Variants in EYS observed in about 807,000 individuals in gnomAD.
The protein encoded by EYS is protein eyes shut homolog.
In EYS, 250 loss-of-function variants were observed where a neutral mutation model predicts 282.1. That is an observed-to-expected ratio of 0.89 (90% CI 0.80 to 0.98). EYS has a LOEUF of 0.98. EYS is among the 50% of genes least tolerant of loss of function. The pLI is 0.00. For synonymous variants in EYS, 1,355 were observed against 1,282.9 expected (o/e 1.06, Z -1.20); for missense variants, 4,016 against 3,709.0 (o/e 1.08, Z -2.15).
chr6:64,866,620 G>A (rs993170059), intron 19 of EYS, among the ~76,000 whole-genome samples: 1 of 150,632 alleles, frequency 6.6e-6, no homozygotes, highest in Non-Finnish European at 1.5e-5. Flanking sequence ...TTATTTTTTA[G>A]TTATCATTCC....
chr6:65,186,301 A>G (rs1392162257), intron 12 of EYS, among the ~76,000 whole-genome samples: 1 of 151,754 alleles, frequency 6.6e-6, no homozygotes, highest in Non-Finnish European at 1.5e-5. Context: ...TATAGGAAAG[A>G]TCACGTTTCA....
Position 64,093,831 on chromosome 6 carries a change from C to T in EYS, c.6425-11829G>A, listed in dbSNP as rs143341022. Among the ~76,000 whole-genome samples, 312 of 152,236 alleles carry T rather than the reference C, an allele frequency of 2.0e-3. 2 individuals are homozygous for T. The highest frequency in any genetic ancestry group is 7.3e-3 in the African/African-American group (302 of 41,542). The stretch of plus-strand genomic sequence containing the variant: ...CGAGAGAGGTCATCCCTGTCTTGTG[C>T]CGGTTTTCAAAGGGAATGCTTCCAG... On this transcript the variant is annotated intron_variant, in intron 31 of 42. Coordinates refer to ENST00000503581, the MANE Select transcript of EYS (RefSeq NM_001142800.2).
At chr6:64,086,558 C>T (rs931783320) in intron 31 of EYS, among the ~76,000 whole-genome samples, 1 of 151,788 alleles carries the variant, frequency 6.6e-6, no homozygotes. Context: ...TCATACTGTT[C>T]TATCTTTGTA....
intron 26 of EYS, 65 bp from the exon 27 acceptor site, chr6:64,439,417 T>C (rs2150466572): frequency 9.3e-7 from 1 of 1,072,134 alleles, no homozygotes; most frequent in African/African-American, 1.7e-5. Context: ...GGTTTCACAT[T>C]ATTAACATAG....
At chr6:63,871,460 A>G (rs890100798) in intron 35 of EYS, among the ~76,000 whole-genome samples, 2 of 152,052 alleles carry the variant, frequency 1.3e-5, no homozygotes, top group African/African-American at 4.8e-5. Context: ...CAGGAGTTCA[A>G]TCCCATCCTG....
At chr6:65,611,727 T>C (rs1766009521) in intron 2 of EYS, among the ~76,000 whole-genome samples, 1 of 152,066 alleles carries the variant, frequency 6.6e-6, no homozygotes, top group Non-Finnish European at 1.5e-5. Context: ...TGACATTGGC[T>C]GCACACAGCA....
At chr6:65,110,829 A>C (rs1775196041) in intron 12 of EYS, among the ~76,000 whole-genome samples, 1 of 152,174 alleles carries the variant, frequency 6.6e-6, no homozygotes, top group African/African-American at 2.4e-5. Flanking sequence ...AAATCATTGA[A>C]GATTAAATCA....
chr6:64,461,840 C>T (rs1009778533), intron 26 of EYS, among the ~76,000 whole-genome samples: 1 of 151,904 alleles, frequency 6.6e-6, no homozygotes, highest in Non-Finnish European at 1.5e-5. Context: ...ATAATTTTGG[C>T]AAGTTTGTTT....
chr6:65,414,597 G>A (rs1310843095), intron 5 of EYS, among the ~76,000 whole-genome samples: 1 of 151,756 alleles, frequency 6.6e-6, no homozygotes, highest in African/African-American at 2.4e-5. Context: ...TTTTATGTAA[G>A]TAACCAGAAA....
intron 28 of EYS, among the ~76,000 whole-genome samples, chr6:64,414,432 C>A (rs1288050554): frequency 2.0e-5 from 3 of 151,950 alleles, no homozygotes; most frequent in Non-Finnish European, 4.4e-5. Context: ...GATTCAAAAA[C>A]CTAATATATA....
At chr6:64,998,844 A>G (rs533590948) in intron 13 of EYS, among the ~76,000 whole-genome samples, 7 of 152,350 alleles carry the variant, frequency 4.6e-5, no homozygotes, top group Admixed American at 1.3e-4. Flanking sequence ...GTGGAGTGTC[A>G]TCAATCATAA....
chr6:65,299,513 T>A (rs1393236991), intron 11 of EYS, among the ~76,000 whole-genome samples: 1 of 152,128 alleles, frequency 6.6e-6, no homozygotes, highest in Non-Finnish European at 1.5e-5. Flanking sequence ...TTGGAAGTAG[T>A]CCAAAATTTC....
chr6:64,060,583 C>T (rs1771132562), intron 33 of EYS, among the ~76,000 whole-genome samples: 1 of 152,098 alleles, frequency 6.6e-6, no homozygotes, highest in South Asian at 2.1e-4. Flanking sequence ...GCGGATTTTG[C>T]ATTACAATAA....
chr6:64,312,019 G>A (rs889726578), intron 29 of EYS, among the ~76,000 whole-genome samples: 5 of 144,248 alleles, frequency 3.5e-5, no homozygotes, highest in African/African-American at 8.0e-5. Flanking sequence ...CTGGAATGCC[G>A]GCGAGAAGGA....
chr6:64,795,188 T>A (rs555549643), intron 22 of EYS, among the ~76,000 whole-genome samples: 8 of 149,292 alleles, frequency 5.4e-5, no homozygotes, highest in African/African-American at 1.5e-4. Context: ...TGAGCTGAGA[T>A]CACATCATTG....
intron 12 of EYS, among the ~76,000 whole-genome samples, chr6:65,110,971 A>T (rs1308727493): frequency 6.6e-6 from 1 of 152,160 alleles, no homozygotes; most frequent in Non-Finnish European, 1.5e-5. Context: ...GATTATAAGG[A>T]TCTGAACTGC....
At chr6:65,084,452 A>T (rs1774309293) in intron 12 of EYS, among the ~76,000 whole-genome samples, 2 of 152,298 alleles carry the variant, frequency 1.3e-5, no homozygotes, top group African/African-American at 2.4e-5. Context: ...CTTCTGAAAC[A>T]GTAAATGCTA....
intron 36 of EYS, among the ~76,000 whole-genome samples, chr6:63,847,755 G>C (rs572032739): frequency 1.3e-5 from 2 of 152,122 alleles, no homozygotes; most frequent in African/African-American, 4.8e-5. Context: ...GTCTATTCAA[G>C]TTTAGTTGAT....
At chr6:65,585,963 G>A (rs1307093905) in intron 2 of EYS, among the ~76,000 whole-genome samples, 2 of 151,956 alleles carry the variant, frequency 1.3e-5, no homozygotes, top group African/African-American at 2.4e-5. Flanking sequence ...AAGGCAAAAA[G>A]AGCAATTACT....
Sources: allele counts gnomAD v4.1 joint callset (sites outside exome capture counted in the v4.1 genomes callset), GRCh38; gene constraint gnomAD v4.1.1; transcripts MANE v1.5; gene names NCBI Gene and HGNC (gene_info 2026-07-23, HGNC 2026-07-21).